The following NKAIN2 variants were observed in gnomAD, a reference collection of about 807,000 sequenced individuals.
NKAIN2 encodes the protein sodium/potassium-transporting ATPase subunit beta-1-interacting protein 2.
In NKAIN2, 14 loss-of-function variants were observed where a neutral mutation model predicts 32.6. The observed-to-expected ratio is 0.43, with a 90% CI of 0.28 to 0.67. The LOEUF (loss-of-function observed/expected upper bound fraction) is 0.67, where lower values mean the gene tolerates loss of function less well. NKAIN2 is among the 30% of genes least tolerant of loss of function. The pLI, the probability that NKAIN2 is intolerant of heterozygous loss-of-function variation, is 0.17. For synonymous variants in NKAIN2, 80 were observed against 87.2 expected (o/e 0.92, Z 0.46); for missense variants, 198 against 258.3 (o/e 0.77, Z 1.60).
intron 1 of NKAIN2, among the ~76,000 whole-genome samples, chr6:123,843,803 G>T (rs563792088): frequency 6.6e-6 from 1 of 152,254 alleles, no homozygotes; most frequent in African/African-American, 2.4e-5. Flanking sequence ...TGGGGGAAGT[G>T]TATGGGTGAA....
At chr6:124,596,697 TGTGTAA>T (rs1330187421) in intron 3 of NKAIN2, among the ~76,000 whole-genome samples, 1 of 150,086 alleles carries the variant, frequency 6.7e-6, no homozygotes, top group African/African-American at 2.5e-5. Context: ...TGTGTGTGTG[TGTGTAA>T]GTGTGTGTAA....
At chr6:124,244,197 G>GTCA (rs1381143015) in intron 1 of NKAIN2, among the ~76,000 whole-genome samples, 5 of 149,304 alleles carry the variant, frequency 3.3e-5, no homozygotes, top group Non-Finnish European at 5.9e-5. Context: ...CCACTAACTC[G>GTCA]TCATCTAGCA....
chr6:123,844,064 G>C (rs1236564027), intron 1 of NKAIN2, among the ~76,000 whole-genome samples: 2 of 152,148 alleles, frequency 1.3e-5, no homozygotes, highest in African/African-American at 4.8e-5. Context: ...GAAGGCCTCT[G>C]CCCTGCCCTT....
chr6:124,743,803 A>G (rs1777334076), intron 4 of NKAIN2, among the ~76,000 whole-genome samples: 1 of 151,856 alleles, frequency 6.6e-6, no homozygotes, highest in African/African-American at 2.4e-5. Context: ...TGCTATTCAC[A>G]TTTCCATGTT....
At chr6:124,231,055 A>C (rs930521173) in intron 1 of NKAIN2, among the ~76,000 whole-genome samples, 1 of 152,242 alleles carries the variant, frequency 6.6e-6, no homozygotes, top group African/African-American at 2.4e-5. Context: ...GCAAAACTGC[A>C]GGGGCAGAGC....
intron 3 of NKAIN2, among the ~76,000 whole-genome samples, chr6:124,607,733 T>TA (rs1156275415): frequency 6.6e-6 from 1 of 152,140 alleles, no homozygotes; most frequent in African/African-American, 2.4e-5. Flanking sequence ...GTTCACAACT[T>TA]ACAATGGTTC....
intron 3 of NKAIN2, among the ~76,000 whole-genome samples, chr6:124,356,772 C>T (rs764106805): frequency 6.6e-6 from 1 of 152,138 alleles, no homozygotes; most frequent in African/African-American, 2.4e-5. Flanking sequence ...CCAATTTATA[C>T]ATCTCTGCTA....
At chr6:124,024,956 G>A (rs1025218819) in intron 1 of NKAIN2, among the ~76,000 whole-genome samples, 2 of 151,014 alleles carry the variant, frequency 1.3e-5, no homozygotes, top group African/African-American at 2.5e-5. Flanking sequence ...CACTGCTCCA[G>A]CCTGGCAACA....
intron 1 of NKAIN2, among the ~76,000 whole-genome samples, chr6:124,246,313 A>G (rs897656857): frequency 3.9e-5 from 6 of 152,134 alleles, no homozygotes; most frequent in African/African-American, 1.4e-4. Flanking sequence ...TCCATTGTCT[A>G]TTGCATATAT....
chr6:123,907,336 A>G (rs1468916540), intron 1 of NKAIN2, among the ~76,000 whole-genome samples: 1 of 152,180 alleles, frequency 6.6e-6, no homozygotes, highest in Non-Finnish European at 1.5e-5. Flanking sequence ...TCATTTTTAA[A>G]ATGTGAAGTT....
intron 2 of NKAIN2, among the ~76,000 whole-genome samples, chr6:124,336,781 C>A (rs1385306826): frequency 6.7e-6 from 1 of 149,428 alleles, no homozygotes; most frequent in Non-Finnish European, 1.5e-5. Flanking sequence ...TCAAGCAATT[C>A]CCCTGCTTCA....
chr6:124,278,010 A>G (rs1199097698), intron 1 of NKAIN2, among the ~76,000 whole-genome samples: 3 of 152,118 alleles, frequency 2.0e-5, no homozygotes. Flanking sequence ...AAATAATATT[A>G]TAGTAATATT....
At chr6:124,582,985 C>T (rs1167632831) in intron 3 of NKAIN2, among the ~76,000 whole-genome samples, 4 of 152,026 alleles carry the variant, frequency 2.6e-5, no homozygotes, top group Admixed American at 1.3e-4. Flanking sequence ...CACTAAAAGA[C>T]ATATACAAAA....
At chr6:124,791,013 G>T (rs1245665446) in intron 4 of NKAIN2, among the ~76,000 whole-genome samples, 8 of 152,088 alleles carry the variant, frequency 5.3e-5, no homozygotes, top group African/African-American at 1.9e-4. Flanking sequence ...AAGTTGATGG[G>T]CACAAATGCA....
intron 4 of NKAIN2, among the ~76,000 whole-genome samples, chr6:124,789,015 G>A (rs1779627788): frequency 6.6e-6 from 1 of 152,058 alleles, no homozygotes; most frequent in Non-Finnish European, 1.5e-5. Flanking sequence ...GTAACAAAAT[G>A]CAGCAGGATT....
At chr6:124,140,696 A>T (rs4895433) in intron 1 of NKAIN2, among the ~76,000 whole-genome samples, 6,171 of 152,152 alleles carry the variant, frequency 0.041, 298 homozygotes, top group East Asian at 0.12. Context: ...CTATTTTTTT[A>T]AAAAAAGTGT....
chr6:123,932,705 C>T lies in NKAIN2; in HGVS notation c.54+128451C>T, dbSNP rs141958673. Among the ~76,000 whole-genome samples the T allele has an allele frequency of 1.7e-3, 254 of 152,114 alleles. 1 individual carries two copies. The highest frequency in any genetic ancestry group is 5.8e-3 in the African/African-American group (241 of 41,526). ...GTGCTGGGATTACAGGCGTGAGCCA[C>T]CGCGCCCAGCCTTTCTTTCTTGATA... On this transcript the variant is annotated intron_variant, in intron 1 of 6. Coordinates refer to ENST00000368417, the MANE Select transcript of NKAIN2 (RefSeq NM_001040214.3).
intron 5 of NKAIN2, among the ~76,000 whole-genome samples, chr6:124,804,236 G>C (rs1479936172): frequency 6.6e-6 from 1 of 152,144 alleles, no homozygotes; most frequent in African/African-American, 2.4e-5. Flanking sequence ...GGTCTCAGCA[G>C]AAAACCATCA....
At chr6:124,243,052 C>A (rs981223310) in intron 1 of NKAIN2, among the ~76,000 whole-genome samples, 10 of 145,362 alleles carry the variant, frequency 6.9e-5, no homozygotes, top group Non-Finnish European at 1.2e-4. Context: ...AAAAAAAAAA[C>A]CCAAGGGCGG....
Sources: allele counts gnomAD v4.1 joint callset (sites outside exome capture counted in the v4.1 genomes callset), GRCh38; gene constraint gnomAD v4.1.1; transcripts MANE v1.5; gene names NCBI Gene and HGNC (gene_info 2026-07-23, HGNC 2026-07-21).